DUSP22: variants seen among roughly 807,000 people sequenced by gnomAD.
The protein encoded by DUSP22 is dual specificity phosphatase 22.
A neutral mutation model predicts 24.5 loss-of-function variants in DUSP22; 24 were observed. The observed-to-expected ratio is 0.98, with a 90% CI of 0.71 to 1.38. The LOEUF (loss-of-function observed/expected upper bound fraction) is 1.38, where lower values mean the gene tolerates loss of function less well. Among genes scored for constraint, DUSP22 ranks in the 40% most tolerant of loss-of-function variants. The pLI is 0.00. For synonymous variants in DUSP22, 160 were observed against 106.4 expected (o/e 1.50, Z -3.10); for missense variants, 330 against 269.2 (o/e 1.23, Z -1.58).
chr6:301,026 C>T (rs1757558158), intron 1 of DUSP22, among the ~76,000 whole-genome samples: 1 of 152,428 alleles, frequency 6.6e-6, no homozygotes, highest in South Asian at 2.1e-4. Flanking sequence ...TAGGCTATCC[C>T]TGCAGCCGGC....
intron 3 of DUSP22, among the ~76,000 whole-genome samples, chr6:323,519 A>G (rs1581169251): frequency 6.6e-6 from 1 of 152,302 alleles, no homozygotes; most frequent in East Asian, 1.9e-4. Context: ...TTTTGTTCTC[A>G]GGTTTTTCCC....
At chr6:302,433 G>C (rs1757625772) in intron 1 of DUSP22, among the ~76,000 whole-genome samples, 1 of 152,308 alleles carries the variant, frequency 6.6e-6, no homozygotes, top group Non-Finnish European at 1.5e-5. Context: ...TCTGCAGGCT[G>C]ACCGTTCTGC....
chr6:348,727 C>A (rs1056722948), intron 6 of DUSP22, 42 bp from the exon 7 acceptor site: 23 of 1,612,758 alleles, frequency 1.4e-5, no homozygotes, highest in Admixed American at 5.0e-5. Flanking sequence ...TGCAGACGTG[C>A]ACATGTGTGT....
chr6:333,204 C>G (rs926085391), intron 3 of DUSP22, among the ~76,000 whole-genome samples: 4 of 152,304 alleles, frequency 2.6e-5, no homozygotes, highest in African/African-American at 4.8e-5. Context: ...GAGGAGGCAA[C>G]TGGGGATAAC....
At chr6:346,513 C>T (rs1248561294) in intron 5 of DUSP22, among the ~76,000 whole-genome samples, 1 of 152,302 alleles carries the variant, frequency 6.6e-6, no homozygotes, top group Non-Finnish European at 1.5e-5. Flanking sequence ...ATCTGAAGCG[C>T]TTGGCAGTGT....
intron 3 of DUSP22, among the ~76,000 whole-genome samples, chr6:313,887 C>T: frequency 6.6e-6 from 1 of 152,304 alleles, no homozygotes; most frequent in South Asian, 2.1e-4. Context: ...TTGGTGGTGC[C>T]CACATTAAGT....
chr6:333,569 GCT>G (rs1759230946), intron 3 of DUSP22, among the ~76,000 whole-genome samples: 1 of 152,304 alleles, frequency 6.6e-6, no homozygotes, highest in Admixed American at 6.5e-5. Flanking sequence ...AACAGATCCT[GCT>G]CTGACTCAGT....
At chr6:339,671 A>G (rs1178660092) in intron 4 of DUSP22, among the ~76,000 whole-genome samples, 2 of 152,304 alleles carry the variant, frequency 1.3e-5, no homozygotes, top group African/African-American at 4.8e-5. Flanking sequence ...CAGGTCTGTA[A>G]ATTTCTTGAG....
intron 3 of DUSP22, among the ~76,000 whole-genome samples, chr6:331,449 G>A (rs977384191): frequency 6.6e-6 from 1 of 152,294 alleles, no homozygotes; most frequent in African/African-American, 2.4e-5. Flanking sequence ...TAACCTCCAA[G>A]TTTGTTATAC....
At chr6:324,422 C>T (rs535084316) in intron 3 of DUSP22, among the ~76,000 whole-genome samples, 49 of 152,414 alleles carry the variant, frequency 3.2e-4, no homozygotes, top group East Asian at 1.2e-3. Flanking sequence ...CAGTGAGTGC[C>T]GCGGAGCACA....
In DUSP22 at chr6:350,760, A is replaced by G; in HGVS notation, c.*1809A>G. On this transcript the variant is annotated 3_prime_UTR_variant, in exon 7 of 7. Coordinates refer to ENST00000419235, the MANE Select transcript of DUSP22 (RefSeq NM_001286555.3). Reference sequence around the variant, plus strand: ...TGCACCTTTACAAACCTCTCAGTGTATTCTTGGAGTTCTTGAAATGTTGTT... The same window carrying G: ...TGCACCTTTACAAACCTCTCAGTGTGTTCTTGGAGTTCTTGAAATGTTGTT... 7 of 1,614,014 alleles carry G rather than the reference A, an allele frequency of 4.3e-6. No individual in the cohort carries two copies. The highest frequency in any genetic ancestry group is 1.1e-5 in the South Asian group (1 of 91,020).
At chr6:346,994 CAT>C (rs1465470367) in intron 5 of DUSP22, among the ~76,000 whole-genome samples, 13 of 152,306 alleles carry the variant, frequency 8.5e-5, no homozygotes, top group Admixed American at 7.2e-4. Context: ...CTTGAAATCA[CAT>C]GATTTTTCAT....
chr6:314,425 T>G (rs2797320), intron 3 of DUSP22, among the ~76,000 whole-genome samples: 1 of 152,082 alleles, frequency 6.6e-6, no homozygotes, highest in Non-Finnish European at 1.5e-5. Flanking sequence ...AGCGACGTAT[T>G]GGGCACTACA....
intron 2 of DUSP22, among the ~76,000 whole-genome samples, chr6:308,361 A>G (rs1757919807): frequency 6.6e-6 from 1 of 152,304 alleles, no homozygotes; most frequent in South Asian, 2.1e-4. Context: ...GCCTTCCAGG[A>G]CAACCAATAG....
At position 348,110 on chromosome 6, in the gene DUSP22, G is replaced by C. The variant is rs766831052; in HGVS notation, c.271G>C (p.Gly91Arg). The C allele has an allele frequency of 1.2e-6, 2 of 1,614,192 alleles. No homozygotes were observed. The highest frequency in any genetic ancestry group is 1.3e-5 in the African/African-American group (1 of 75,086). ...CTTCTCTTGGCCCCGCAGCCTGGCC[G>C]GGGTCTCCAGGAGCGTGACACTGGT... is the stretch of plus-strand genomic sequence containing the variant. Reference protein sequence around the residue: ...GESCLVHCLAGVSRSVTLVIA... With the variant: ...GESCLVHCLARVSRSVTLVIA... Residue 91 changes from glycine (G) to arginine (R), a missense_variant, in exon 6 of 7, where the codon GGG becomes CGG. By Grantham distance (125) the Gly-to-Arg change is moderately radical (BLOSUM62 -2). Transcript: ENST00000419235.
intron 1 of DUSP22, among the ~76,000 whole-genome samples, chr6:301,521 A>G (rs1757578647): frequency 6.6e-6 from 1 of 152,304 alleles, no homozygotes; most frequent in African/African-American, 2.4e-5. Flanking sequence ...TTTGAGGTAG[A>G]AAATCACCCA....
At chr6:303,316 TG>T (rs58872749) in intron 1 of DUSP22, among the ~76,000 whole-genome samples, 2,610 of 151,376 alleles carry the variant, frequency 0.017, no homozygotes, top group African/African-American at 0.062. Flanking sequence ...TTTTCATTCT[TG>T]GACTGTCCCA....
intron 6 of DUSP22, chr6:348,519 T>A: frequency 1.2e-6 from 1 of 863,246 alleles, no homozygotes; most frequent in Non-Finnish European, 1.8e-6. Context: ...AGTTTGTTTC[T>A]CTCCCTTTGG....
At chr6:297,481 G>A (rs1001796206) in intron 1 of DUSP22, among the ~76,000 whole-genome samples, 7 of 152,420 alleles carry the variant, frequency 4.6e-5, no homozygotes, top group Non-Finnish European at 7.3e-5. Context: ...GGCATAGACC[G>A]GTGTTCCTCA....
Sources: allele counts gnomAD v4.1 joint callset (sites outside exome capture counted in the v4.1 genomes callset), GRCh38; gene constraint gnomAD v4.1.1; transcripts MANE v1.5; gene names NCBI Gene and HGNC (gene_info 2026-07-23, HGNC 2026-07-21).